FAF1: variants seen among roughly 807,000 people sequenced by gnomAD.
FAF1 encodes the protein FAS-associated factor 1.
Under a neutral mutation model 92.5 loss-of-function variants are expected in FAF1, and 25 were observed. The ratio of observed to expected loss-of-function variants is 0.27; its 90% CI spans 0.20 to 0.38. The LOEUF is 0.38. FAF1 is among the 10% of genes least tolerant of loss of function. The probability of loss-of-function intolerance (pLI) is 1.00; values close to 1 mark genes in which losing one functional copy is unlikely to be tolerated. For synonymous variants in FAF1, 234 were observed against 273.2 expected, an observed-to-expected ratio of 0.86 and a Z score of 1.42; for missense variants, 636 against 793.3, an observed-to-expected ratio of 0.80 and a Z score of 2.38.
intron 1 of FAF1, among the ~76,000 whole-genome samples, chr1:50,912,398 T>C (rs1404518447): frequency 1.3e-5 from 2 of 152,156 alleles, no homozygotes; most frequent in Admixed American, 1.3e-4. Context: ...CTTACATTGA[T>C]TAAAGTTTGA....
chr1:50,780,397 G>A (rs2124560753), intron 4 of FAF1: 1 of 156,222 alleles, frequency 6.4e-6, no homozygotes, highest in South Asian at 2.0e-4. Context: ...AGCCATACCA[G>A]AAAGTGTGGT....
chr1:50,904,612 T>C (rs1644820728), intron 1 of FAF1, among the ~76,000 whole-genome samples: 2 of 152,226 alleles, frequency 1.3e-5, no homozygotes, highest in Admixed American at 1.3e-4. Context: ...GAGATTTTCC[T>C]ACCTATGTCA....
At chr1:50,512,086 G>C (rs1239031189) in intron 15 of FAF1, among the ~76,000 whole-genome samples, 2 of 151,998 alleles carry the variant, frequency 1.3e-5, no homozygotes, top group Non-Finnish European at 2.9e-5. Context: ...TTTTTGATGG[G>C]GCTGTTTTTT....
At chr1:50,872,391 G>C (rs1455479641) in intron 1 of FAF1, among the ~76,000 whole-genome samples, 1 of 152,176 alleles carries the variant, frequency 6.6e-6, no homozygotes, top group Non-Finnish European at 1.5e-5. Flanking sequence ...GCAATCTTAT[G>C]ATAAAACCTG....
At chr1:50,606,027 T>C (rs1009846046) in intron 8 of FAF1, among the ~76,000 whole-genome samples, 49 of 152,338 alleles carry the variant, frequency 3.2e-4, no homozygotes, top group African/African-American at 1.1e-3. Context: ...ATAATATCTT[T>C]GTTGACAGCA....
intron 17 of FAF1, among the ~76,000 whole-genome samples, chr1:50,480,026 G>A (rs1163579545): frequency 6.6e-6 from 1 of 152,182 alleles, no homozygotes; most frequent in Non-Finnish European, 1.5e-5. Context: ...ACGAGTCATG[G>A]TTAACACCAG....
At position 50,871,736 on chromosome 1, in the gene FAF1, T is replaced by A. The variant is rs1644529561; in HGVS notation, c.46-13739A>T. Among the ~76,000 whole-genome samples the A allele has an allele frequency of 2.0e-5, 3 of 152,114 alleles. No homozygotes were observed. The South Asian group carries it at 6.2e-4, about 31-fold the overall frequency. On this transcript the variant is annotated intron_variant, in intron 1 of 18. Coordinates refer to ENST00000396153, the MANE Select transcript of FAF1 (RefSeq NM_007051.3). ...GCTCAGATAGAGATGTACAAAGAGATCAAAGTTGTTTTTCTGGCTGCTAAC... is the reference window on the plus strand; with the variant it reads ...GCTCAGATAGAGATGTACAAAGAGAACAAAGTTGTTTTTCTGGCTGCTAAC...
intron 8 of FAF1, among the ~76,000 whole-genome samples, chr1:50,649,548 T>C (rs1477266008): frequency 6.6e-6 from 1 of 152,194 alleles, no homozygotes; most frequent in African/African-American, 2.4e-5. Context: ...TTCTGAATCC[T>C]AACACACGCC....
chr1:50,936,436 A>G (rs752180286), intron 1 of FAF1, among the ~76,000 whole-genome samples: 1 of 152,228 alleles, frequency 6.6e-6, no homozygotes, highest in Non-Finnish European at 1.5e-5. Flanking sequence ...CAAGTCTATG[A>G]AGACAGAGTC....
At chr1:50,659,835 G>A (rs1401493039) in intron 7 of FAF1, among the ~76,000 whole-genome samples, 9 of 151,952 alleles carry the variant, frequency 5.9e-5, no homozygotes, top group Admixed American at 2.6e-4. Flanking sequence ...CTTCCATATC[G>A]TTTCAGATAA....
At chr1:50,866,999 C>G (rs765688912) in intron 1 of FAF1, among the ~76,000 whole-genome samples, 1 of 151,968 alleles carries the variant, frequency 6.6e-6, no homozygotes, top group Non-Finnish European at 1.5e-5. Flanking sequence ...GCATATAGAC[C>G]AATGCAACAG....
At chr1:50,944,327 G>A (rs1645157487) in intron 1 of FAF1, among the ~76,000 whole-genome samples, 1 of 152,162 alleles carries the variant, frequency 6.6e-6, no homozygotes, top group Non-Finnish European at 1.5e-5. Context: ...CTGCACCAGA[G>A]TGTTTTCTTT....
At chr1:50,753,628 C>G (rs558921422) in intron 4 of FAF1, among the ~76,000 whole-genome samples, 2 of 152,314 alleles carry the variant, frequency 1.3e-5, no homozygotes, top group Admixed American at 6.5e-5. Context: ...TCAGACATCA[C>G]AGTCTTCAAC....
chr1:50,919,224 A>C (rs1385225002), intron 1 of FAF1, among the ~76,000 whole-genome samples: 2 of 152,120 alleles, frequency 1.3e-5, no homozygotes, highest in African/African-American at 4.8e-5. Context: ...AGATAAACAA[A>C]AGCTGAGAGA....
Position 50,457,724 on chromosome 1 carries a change from C to CAAAA in FAF1, c.1870-16205_1870-16202dup, listed in dbSNP as rs35479561. 8.7e-4 allele frequency among the ~76,000 whole-genome samples: 49 copies of CAAAA among 56,504 alleles called. 1 individual carries two copies. The highest frequency in any genetic ancestry group is 2.6e-3 in the African/African-American group (27 of 10,430). The allele number at this position is 56,504 out of a possible 152,430, so 37.1% of individuals were successfully genotyped here. On this transcript the variant is annotated intron_variant, in intron 18 of 18. Coordinates refer to ENST00000396153, the MANE Select transcript of FAF1 (RefSeq NM_007051.3). ...GCAATTCGGTGAAACCCCATCTCTG[C>CAAAA]AAAAAAAAAAAAAAAAAAAAAATAC...
chr1:50,642,772 T>C lies in FAF1; in HGVS notation c.744+12670A>G, dbSNP rs184995327. Among the ~76,000 whole-genome samples the C allele has an allele frequency of 6.2e-4, 95 of 152,314 alleles. 1 individual carries two copies. Among genetic ancestry groups the C allele is most frequent in the Admixed American group, 4.4e-3 (67 of 15,302 alleles). On this transcript the variant is annotated intron_variant, in intron 8 of 18. Coordinates refer to ENST00000396153, the MANE Select transcript of FAF1 (RefSeq NM_007051.3). ...ATACTTACTGTAATTATCAATATGG[T>C]TAGATTTAAACCATATTGCTGTTTG... is the stretch of plus-strand genomic sequence containing the variant.
intron 4 of FAF1, among the ~76,000 whole-genome samples, chr1:50,747,787 A>G (rs1176038988): frequency 1.3e-5 from 2 of 152,156 alleles, no homozygotes; most frequent in Non-Finnish European, 2.9e-5. Context: ...TGACTGAATC[A>G]TGTGTGACAG....
intron 4 of FAF1, among the ~76,000 whole-genome samples, chr1:50,777,291 C>T (rs1022564582): frequency 2.7e-5 from 4 of 150,284 alleles, no homozygotes; most frequent in African/African-American, 7.3e-5. Flanking sequence ...TGGTGGCGTG[C>T]GCCTGTAGTC....
chr1:50,882,613 T>C (rs1220563667), intron 1 of FAF1, among the ~76,000 whole-genome samples: 1 of 147,118 alleles, frequency 6.8e-6, no homozygotes, highest in Non-Finnish European at 1.5e-5. Context: ...AATAAATAAA[T>C]AAATAAATAA....
Sources: allele counts gnomAD v4.1 joint callset (sites outside exome capture counted in the v4.1 genomes callset), GRCh38; gene constraint gnomAD v4.1.1; transcripts MANE v1.5; gene names NCBI Gene and HGNC (gene_info 2026-07-23, HGNC 2026-07-21).